IQSEC1: variants seen among roughly 807,000 people sequenced by gnomAD.
IQSEC1 encodes the protein IQ motif and Sec7 domain ArfGEF 1.
IQSEC1 carries 31 observed loss-of-function variants against 91.0 expected under a neutral mutation model. The observed-to-expected ratio is 0.34, with a 90% confidence interval of 0.26 to 0.46. The LOEUF (loss-of-function observed/expected upper bound fraction) is 0.46, where lower values mean the gene tolerates loss of function less well. IQSEC1 is among the 20% of genes least tolerant of loss of function. IQSEC1 has a pLI of 1.00. For synonymous variants in IQSEC1, 699 were observed against 662.6 expected, an observed-to-expected ratio of 1.05 and a Z score of -0.84; for missense variants, 1,388 against 1,575.6, an observed-to-expected ratio of 0.88 and a Z score of 2.02.
intron 1 of IQSEC1, among the ~76,000 whole-genome samples, chr3:13,240,080 A>C (rs1694995654): frequency 6.6e-6 from 1 of 152,176 alleles, no homozygotes; most frequent in African/African-American, 2.4e-5. Context: ...TTAATTAAAA[A>C]AAAACAAACC....
intron 1 of IQSEC1, among the ~76,000 whole-genome samples, chr3:13,245,007 A>C (rs1283003475): frequency 6.6e-6 from 1 of 152,190 alleles, no homozygotes; most frequent in African/African-American, 2.4e-5. Context: ...TCTGCTAGCT[A>C]GGGCCACTAT....
chr3:13,071,064 C>T (rs1030186635), intron 1 of IQSEC1, among the ~76,000 whole-genome samples: 7 of 152,084 alleles, frequency 4.6e-5, no homozygotes, highest in South Asian at 2.1e-4. Flanking sequence ...TAAAATCATC[C>T]GGAAAATGAA....
intron 1 of IQSEC1, among the ~76,000 whole-genome samples, chr3:13,045,041 T>G (rs558339829): frequency 2.0e-5 from 3 of 152,346 alleles, no homozygotes; most frequent in East Asian, 3.9e-4. Context: ...CTGTGAGGGT[T>G]GGGAGTCAGG....
intron 1 of IQSEC1, among the ~76,000 whole-genome samples, chr3:13,179,586 C>T (rs11718133): frequency 0.061 from 9,295 of 152,322 alleles, 308 homozygotes; most frequent in Non-Finnish European, 0.07. Context: ...GAGGTGACAG[C>T]GTGCTGGCAG....
chr3:13,266,950 C>T (rs1274988144), intron 1 of IQSEC1, among the ~76,000 whole-genome samples: 3 of 150,376 alleles, frequency 2.0e-5, no homozygotes, highest in Non-Finnish European at 4.4e-5. Context: ...CCCCTGGCTG[C>T]ACCCCTAACC....
Position 12,900,327 on chromosome 3 carries a change from C to T in IQSEC1, c.*656G>A, listed in dbSNP as rs1441372102. 7 of 984,450 alleles carry T rather than the reference C, an allele frequency of 7.1e-6. No homozygotes were observed. In the South Asian group the frequency reaches 2.8e-4, roughly 40 times the overall value. 61.0% of individuals were successfully genotyped at this position (984,450 alleles called of 1,614,324 possible). The stretch of plus-strand genomic sequence containing the variant: ...TTGTTCCTAGCATTTAGGGTTTGGT[C>T]TATTGTCTCACACACCCAGCTAAGG... On this transcript the variant is annotated 3_prime_UTR_variant, in exon 14 of 14. Transcript: ENST00000613206.
chr3:12,926,276 C>T (rs1697119298), intron 3 of IQSEC1, among the ~76,000 whole-genome samples: 1 of 151,514 alleles, frequency 6.6e-6, no homozygotes, highest in Non-Finnish European at 1.5e-5. Flanking sequence ...TACCACTACA[C>T]TCCAGCCTGG....
chr3:12,996,058 G>A (rs898288469), intron 1 of IQSEC1, among the ~76,000 whole-genome samples: 28 of 152,168 alleles, frequency 1.8e-4, no homozygotes, highest in African/African-American at 6.3e-4. Flanking sequence ...CTACTCGGGA[G>A]GCTGAGGCAA....
intron 2 of IQSEC1, among the ~76,000 whole-genome samples, chr3:13,078,432 C>T (rs1044954040): frequency 1.1e-4 from 17 of 152,192 alleles, no homozygotes; most frequent in African/African-American, 3.9e-4. Flanking sequence ...GGCTCCCTCC[C>T]GCACCCAACG....
intron 1 of IQSEC1, among the ~76,000 whole-genome samples, chr3:13,167,693 C>T (rs904562788): frequency 1.3e-5 from 2 of 152,200 alleles, no homozygotes. Context: ...AAGCCTTTCT[C>T]CAGGTGGCCT....
chr3:12,967,832 G>T lies in IQSEC1; in HGVS notation c.24-25967C>A. On this transcript the variant is annotated intron_variant, in intron 1 of 13. Coordinates refer to ENST00000613206, the MANE Select transcript of IQSEC1 (RefSeq NM_001134382.3). The surrounding 1 kb of genome is among the most constrained non-coding windows in gnomAD (Gnocchi z 5.9). ...GCGCGGGGGCGAGACTGCACGGAGCGTGTGGGGAAGAGAGCACAGGAGGCG... is the reference window on the plus strand; with the variant it reads ...GCGCGGGGGCGAGACTGCACGGAGCTTGTGGGGAAGAGAGCACAGGAGGCG... 1 of 325,914 alleles carries T rather than the reference G, an allele frequency of 3.1e-6. No homozygotes were observed. The highest frequency in any genetic ancestry group is 4.4e-6 in the Non-Finnish European group (1 of 229,714). 20.2% of individuals were successfully genotyped at this position (325,914 alleles called of 1,614,324 possible).
At position 13,045,556 on chromosome 3, in the gene IQSEC1, G is replaced by A. The variant is rs1460706735; in HGVS notation, c.23+27436C>T. Among the ~76,000 whole-genome samples the A allele has an allele frequency of 3.9e-5, 6 of 152,334 alleles. No individual in the cohort carries two copies. The East Asian group carries it at 1.2e-3, about 29-fold the overall frequency. ...AGGTCAAGTGTGGCTCCATCCGATG[G>A]AGGGCTGTGCAGTGAGACCCAAGTG... On this transcript the variant is annotated intron_variant, in intron 1 of 13. Coordinates refer to ENST00000613206, the MANE Select transcript of IQSEC1 (RefSeq NM_001134382.3).
chr3:13,174,685 T>C (rs888021383), intron 1 of IQSEC1, among the ~76,000 whole-genome samples: 1 of 151,988 alleles, frequency 6.6e-6, no homozygotes, highest in South Asian at 2.1e-4. Flanking sequence ...TCCTCGTGGG[T>C]CCCCAGCTCC....
chr3:12,953,254 C>T (rs971054347), intron 1 of IQSEC1, among the ~76,000 whole-genome samples: 4 of 152,250 alleles, frequency 2.6e-5, no homozygotes, highest in Admixed American at 2.6e-4. Flanking sequence ...TGTCCAATGG[C>T]CCATCAGAGC....
chr3:13,227,606 G>A (rs1354840264), intron 1 of IQSEC1, among the ~76,000 whole-genome samples: 1 of 152,062 alleles, frequency 6.6e-6, no homozygotes, highest in African/African-American at 2.4e-5. Flanking sequence ...GTGCTGAGCA[G>A]AGGAGGGACC....
At chr3:13,127,204 G>A (rs149559058) in intron 2 of IQSEC1, among the ~76,000 whole-genome samples, 1 of 152,098 alleles carries the variant, frequency 6.6e-6, no homozygotes, top group African/African-American at 2.4e-5. Flanking sequence ...CCTGAGGTCT[G>A]GAGTTCGAGA....
At chr3:13,212,783 C>A (rs141591272) in intron 1 of IQSEC1, among the ~76,000 whole-genome samples, 56 of 152,326 alleles carry the variant, frequency 3.7e-4, no homozygotes, top group African/African-American at 1.3e-3. Flanking sequence ...TGGCAAGCAT[C>A]TTCTCACATG....
chr3:13,065,849 G>C (rs1251475201), intron 1 of IQSEC1, among the ~76,000 whole-genome samples: 1 of 152,180 alleles, frequency 6.6e-6, no homozygotes, highest in Non-Finnish European at 1.5e-5. Context: ...TCCATCAATG[G>C]GTGAATGGAC....
chr3:12,926,720 G>C (rs917590331), intron 3 of IQSEC1, among the ~76,000 whole-genome samples: 5 of 152,230 alleles, frequency 3.3e-5, no homozygotes, highest in African/African-American at 7.2e-5. Flanking sequence ...GATGAAACCG[G>C]TGTCCACCTG....
Sources: allele counts gnomAD v4.1 joint callset (sites outside exome capture counted in the v4.1 genomes callset), GRCh38; gene constraint gnomAD v4.1.1; non-coding constraint Gnocchi (gnomAD v3.1); transcripts MANE v1.5; gene names NCBI Gene and HGNC (gene_info 2026-07-23, HGNC 2026-07-21).